The following CACNA2D1 variants were observed in gnomAD, a reference collection of about 807,000 sequenced individuals.
CACNA2D1 encodes voltage-dependent calcium channel subunit alpha-2/delta-1.
A neutral mutation model predicts 171.5 loss-of-function variants in CACNA2D1; 53 were observed. The observed-to-expected ratio is 0.31, with a 90% CI of 0.25 to 0.39. The LOEUF (loss-of-function observed/expected upper bound fraction) is 0.39, where lower values mean the gene tolerates loss of function less well. Among genes scored for constraint, CACNA2D1 ranks in the 10% least tolerant of loss-of-function variants. The probability of loss-of-function intolerance (pLI) is 1.00; values close to 1 mark genes in which losing one functional copy is unlikely to be tolerated. For synonymous variants in CACNA2D1, 442 were observed against 443.1 expected (o/e 1.00, Z 0.03); for missense variants, 903 against 1,299.8 (o/e 0.69, Z 4.69).
chr7:82,177,329 T>C (rs1400847244), intron 3 of CACNA2D1, among the ~76,000 whole-genome samples: 1 of 151,978 alleles, frequency 6.6e-6, no homozygotes, highest in African/African-American at 2.4e-5. Flanking sequence ...TAGGCATTGG[T>C]TGGAAGTGTA....
chr7:82,248,514 AAG>A (rs1805201845), intron 3 of CACNA2D1, among the ~76,000 whole-genome samples: 1 of 152,242 alleles, frequency 6.6e-6, no homozygotes, highest in African/African-American at 2.4e-5. Context: ...ATTAAAATCC[AAG>A]AGTTTTCTTA....
At chr7:82,264,075 C>T (rs1042977196) in intron 3 of CACNA2D1, among the ~76,000 whole-genome samples, 7 of 152,118 alleles carry the variant, frequency 4.6e-5, no homozygotes, top group African/African-American at 1.7e-4. Context: ...TTTATGTTTA[C>T]AGATTCTAAT....
At chr7:82,301,396 A>G (rs913436836) in intron 3 of CACNA2D1, among the ~76,000 whole-genome samples, 3 of 152,156 alleles carry the variant, frequency 2.0e-5, no homozygotes, top group African/African-American at 7.2e-5. Flanking sequence ...AAGTGCTGGG[A>G]TTATAAGCGT....
Position 81,949,479 on chromosome 7 carries a change from T to C in CACNA2D1, c.*913A>G, listed in dbSNP as rs1270984110. The C allele has an allele frequency of 6.6e-6, 1 of 152,106 alleles. No homozygotes were observed. The highest frequency in any genetic ancestry group is 2.4e-5 in the African/African-American group (1 of 41,442). The allele number at this position is 152,106 out of a possible 1,614,324, so 9.4% of individuals were successfully genotyped here. ...AGAAAAAACAACTGAAAAGTTAAAATAGCAGCAGCATCATGCAAAATACCC... is the reference window on the plus strand; with the variant it reads ...AGAAAAAACAACTGAAAAGTTAAAACAGCAGCAGCATCATGCAAAATACCC... On this transcript the variant is annotated 3_prime_UTR_variant, in exon 39 of 39. Transcript: ENST00000356860.
chr7:82,086,867 C>T (rs117021153), intron 6 of CACNA2D1, among the ~76,000 whole-genome samples: 3 of 152,090 alleles, frequency 2.0e-5, no homozygotes, highest in Non-Finnish European at 2.9e-5. Context: ...TACTGACACA[C>T]TGATTGTGAA....
intron 1 of CACNA2D1, among the ~76,000 whole-genome samples, chr7:82,368,246 C>T (rs1037266235): frequency 2.0e-5 from 3 of 152,174 alleles, no homozygotes; most frequent in African/African-American, 7.2e-5. Flanking sequence ...AGAAGTATTT[C>T]CCTATGAAAT....
intron 3 of CACNA2D1, among the ~76,000 whole-genome samples, chr7:82,224,813 T>C (rs1802178467): frequency 6.6e-6 from 1 of 152,126 alleles, no homozygotes; most frequent in Non-Finnish European, 1.5e-5. Context: ...ACAGATGAAA[T>C]TTCTGCTTTT....
intron 1 of CACNA2D1, among the ~76,000 whole-genome samples, chr7:82,354,221 TG>T (rs1820174518): frequency 6.6e-6 from 1 of 152,224 alleles, no homozygotes; most frequent in Non-Finnish European, 1.5e-5. Flanking sequence ...TGAAGGCTCC[TG>T]TGTCACATAA....
chr7:82,175,526 C>T (rs992606475), intron 3 of CACNA2D1, among the ~76,000 whole-genome samples: 7 of 151,984 alleles, frequency 4.6e-5, no homozygotes, highest in African/African-American at 1.7e-4. Flanking sequence ...CTTAGCATAT[C>T]AAAAGGATCA....
chr7:82,154,223 C>T (rs1442572773), intron 4 of CACNA2D1, among the ~76,000 whole-genome samples: 1 of 152,148 alleles, frequency 6.6e-6, no homozygotes, highest in Non-Finnish European at 1.5e-5. Flanking sequence ...TAATGATTAT[C>T]TATATTTGTA....
chr7:82,401,270 A>G (rs1470024975), intron 1 of CACNA2D1, among the ~76,000 whole-genome samples: 11 of 152,062 alleles, frequency 7.2e-5, no homozygotes, highest in East Asian at 3.9e-4. Context: ...TGTTTATTGC[A>G]GCACTATTCA....
chr7:82,180,899 C>T (rs1797056504), intron 3 of CACNA2D1, among the ~76,000 whole-genome samples: 1 of 151,732 alleles, frequency 6.6e-6, no homozygotes, highest in South Asian at 2.1e-4. Flanking sequence ...GGGACTATGC[C>T]TTTCTTAAGG....
chr7:82,204,859 T>A (rs945412014), intron 3 of CACNA2D1, among the ~76,000 whole-genome samples: 5 of 152,136 alleles, frequency 3.3e-5, no homozygotes, highest in African/African-American at 1.2e-4. Context: ...TGGTCAAGAA[T>A]AGGCCAAGGC....
intron 3 of CACNA2D1, among the ~76,000 whole-genome samples, chr7:82,289,031 A>G (rs1811199231): frequency 6.6e-6 from 1 of 152,242 alleles, no homozygotes; most frequent in Non-Finnish European, 1.5e-5. Flanking sequence ...CCATGACCAC[A>G]TAGTGCAAAT....
intron 24 of CACNA2D1, among the ~76,000 whole-genome samples, chr7:81,979,890 T>C (rs1796262264): frequency 6.6e-6 from 1 of 151,946 alleles, no homozygotes; most frequent in Admixed American, 6.6e-5. Context: ...GTGCCAGCAA[T>C]GGATTCACTA....
chr7:82,124,928 T>G (rs1392315751), intron 5 of CACNA2D1, among the ~76,000 whole-genome samples: 1 of 152,194 alleles, frequency 6.6e-6, no homozygotes, highest in African/African-American at 2.4e-5. Context: ...CCTAGATTTT[T>G]CCTTTTTCTT....
intron 7 of CACNA2D1, among the ~76,000 whole-genome samples, chr7:82,070,445 T>G (rs1808189627): frequency 6.6e-6 from 1 of 152,170 alleles, no homozygotes; most frequent in Non-Finnish European, 1.5e-5. Context: ...ACAGGCTAAG[T>G]TGCGCAGGGT....
At chr7:82,364,128 C>T (rs1217705593) in intron 1 of CACNA2D1, among the ~76,000 whole-genome samples, 1 of 152,098 alleles carries the variant, frequency 6.6e-6, no homozygotes, top group Non-Finnish European at 1.5e-5. Context: ...GAGGCTGAGA[C>T]ACAAGAATCA....
intron 7 of CACNA2D1, among the ~76,000 whole-genome samples, chr7:82,071,184 A>G (rs1158196839): frequency 6.6e-6 from 1 of 152,174 alleles, no homozygotes; most frequent in Admixed American, 6.5e-5. Context: ...CAAGCAATAA[A>G]AGCTGTTTAG....
Sources: allele counts gnomAD v4.1 joint callset (sites outside exome capture counted in the v4.1 genomes callset), GRCh38; gene constraint gnomAD v4.1.1; transcripts MANE v1.5; gene names NCBI Gene and HGNC (gene_info 2026-07-23, HGNC 2026-07-21).